Variants in WASHC3 observed in about 807,000 individuals in gnomAD.
WASHC3 encodes WASH complex subunit CCDC53.
WASHC3 carries 24 observed loss-of-function variants against 26.1 expected under a neutral mutation model. The observed-to-expected ratio is 0.92, with a 90% CI of 0.66 to 1.29. The LOEUF (loss-of-function observed/expected upper bound fraction) is 1.29. WASHC3 is among the 50% of genes most tolerant of loss of function. The pLI is 0.00. For missense variants in WASHC3, 214 were observed against 229.6 expected, an observed-to-expected ratio of 0.93 and a Z score of 0.44; for synonymous variants, 77 against 75.7, an observed-to-expected ratio of 1.02 and a Z score of -0.09.
At chr12:102,040,112 A>G in intron 4 of WASHC3, 134 bp from the exon 5 acceptor site, 1 of 409,126 alleles carries the variant, frequency 2.4e-6, no homozygotes. Context: ...CAATTTAAAT[A>G]CCAATAATTT....
intron 6 of WASHC3, 138 bp from the exon 7 acceptor site, chr12:102,013,330 C>T: frequency 1.7e-6 from 1 of 597,298 alleles, no homozygotes; most frequent in Non-Finnish European, 3.0e-6. Context: ...CTGCTCTACA[C>T]CACAGCGTGC....
chr12:102,053,724 CAG>C (rs1262010487), intron 2 of WASHC3, among the ~76,000 whole-genome samples: 1 of 151,200 alleles, frequency 6.6e-6, no homozygotes, highest in South Asian at 2.1e-4. Flanking sequence ...AGAAATGTAA[CAG>C]AAAGATTGGA....
rs750633656 is a variant in WASHC3, at chr12:102,039,928, T to A, written c.375A>T (p.Glu125Asp). The A allele has an allele frequency of 5.6e-6, 9 of 1,606,010 alleles. No homozygotes were observed. The South Asian group carries it at 9.9e-5, about 18-fold the overall frequency. The change falls in exon 5 of 7, where the codon GAA becomes GAT. Residue 125 changes from glutamate (E) to aspartate (D), a missense_variant. By Grantham distance (45) the Glu-to-Asp change is conservative. Transcript: ENST00000240079. ...SGLQESEVSA[E>D]NILTVAKDPR... ...GATCCTTGGCTACAGTTAAGATATT[T>A]TCTGCTGATACTTCACTTTCCTGTA...
chr12:102,051,168 G>A (rs1240127634), intron 2 of WASHC3, among the ~76,000 whole-genome samples: 1 of 152,212 alleles, frequency 6.6e-6, no homozygotes, highest in Non-Finnish European at 1.5e-5. Flanking sequence ...GTTTATCTGT[G>A]ACTGAAGTTG....
rs184145942 is a variant in WASHC3 at position 102,033,479 on chromosome 12, A to T, written c.435+6389T>A. Among the ~76,000 whole-genome samples the T allele has an allele frequency of 2.1e-4, 32 of 152,284 alleles. 1 individual carries two copies. Among genetic ancestry groups the T allele is most frequent in the Non-Finnish European group, 2.9e-5 (2 of 67,978 alleles). ...AGTGAAAGTATATTACACTTTGGAA[A>T]AAGAAACTCAGTATAATTGTAATAG... On this transcript the variant is annotated intron_variant, in intron 5 of 6. Coordinates refer to ENST00000240079, the MANE Select transcript of WASHC3 (RefSeq NM_016053.4).
intron 2 of WASHC3, 127 bp from the exon 3 acceptor site, chr12:102,046,246 T>C (rs1000507060): frequency 1.1e-5 from 6 of 563,714 alleles, no homozygotes; most frequent in African/African-American, 5.7e-5. Context: ...TACTGTCTTA[T>C]TTACATGAGT....
chr12:102,016,355 C>A (rs1293822106), intron 6 of WASHC3, among the ~76,000 whole-genome samples: 1 of 151,808 alleles, frequency 6.6e-6, no homozygotes, highest in Admixed American at 6.6e-5. Flanking sequence ...CAGGCATGCA[C>A]CACCATGCCC....
Position 102,012,997 on chromosome 12 carries a change from T to C in WASHC3, c.*111A>G, listed in dbSNP as rs1223364291. 1.6e-5 allele frequency: 9 copies of C among 551,526 alleles called. No homozygotes were observed. The East Asian group carries it at 2.8e-4, about 17-fold the overall frequency. The allele number at this position is 551,526 out of a possible 1,614,324, so 34.2% of individuals were successfully genotyped here. A position where few individuals can be genotyped will look rare whatever the true frequency, so the allele number is the denominator to read the frequency against. On this transcript the variant is annotated 3_prime_UTR_variant, in exon 7 of 7. Coordinates refer to ENST00000240079, the MANE Select transcript of WASHC3 (RefSeq NM_016053.4). ...TTTTAACATAGAAGAAGCTTGGTAGTGGACATGTGGCCATTTGATGTTTTT... is the reference window on the plus strand; with the variant it reads ...TTTTAACATAGAAGAAGCTTGGTAGCGGACATGTGGCCATTTGATGTTTTT...
chr12:102,014,381 A>G (rs1240788851), intron 6 of WASHC3, among the ~76,000 whole-genome samples: 3 of 152,012 alleles, frequency 2.0e-5, no homozygotes, highest in African/African-American at 7.2e-5. Flanking sequence ...TAACTGCTGT[A>G]TCTTAATAAT....
chr12:102,042,169 G>A (rs1383434439), intron 4 of WASHC3, among the ~76,000 whole-genome samples: 2 of 152,014 alleles, frequency 1.3e-5, no homozygotes, highest in Non-Finnish European at 2.9e-5. Flanking sequence ...TTAGAAAGAG[G>A]ATAGTCATAT....
At chr12:102,046,670 A>C (rs1878180038) in intron 2 of WASHC3, among the ~76,000 whole-genome samples, 1 of 152,198 alleles carries the variant, frequency 6.6e-6, no homozygotes, top group Non-Finnish European at 1.5e-5. Context: ...CAGAGCAGTA[A>C]ACAATTGTTG....
intron 4 of WASHC3, among the ~76,000 whole-genome samples, chr12:102,042,768 C>T (rs1038300842): frequency 2.6e-5 from 4 of 152,252 alleles, no homozygotes; most frequent in African/African-American, 4.8e-5. Flanking sequence ...AAAAGTGCCT[C>T]CAGGTACAAA....
intron 4 of WASHC3, chr12:102,043,844 TG>T (rs1878045025): frequency 5.4e-6 from 1 of 185,072 alleles, no homozygotes; most frequent in Non-Finnish European, 1.1e-5. Context: ...CTAATTATTT[TG>T]AAGAAAATAA....
intron 2 of WASHC3, among the ~76,000 whole-genome samples, chr12:102,054,066 C>CA (rs2136688486): frequency 6.6e-6 from 1 of 152,000 alleles, no homozygotes; most frequent in East Asian, 1.9e-4. Context: ...AACAACAAAG[C>CA]AAAAACCTAA....
chr12:102,038,553 T>TTG (rs1565816439), intron 5 of WASHC3, among the ~76,000 whole-genome samples: 164 of 152,218 alleles, frequency 1.1e-3, no homozygotes, highest in African/African-American at 3.9e-3. Flanking sequence ...TGTTGTTGTT[T>TTG]TTTAACAAGT....
intron 6 of WASHC3, among the ~76,000 whole-genome samples, chr12:102,023,860 C>A (rs79076266): frequency 0.17 from 25,732 of 152,054 alleles, 2,212 homozygotes; most frequent in Non-Finnish European, 0.18. Flanking sequence ...CACTACCTCA[C>A]AACTGAATGT....
chr12:102,045,187 G>A (rs944740015), intron 3 of WASHC3, among the ~76,000 whole-genome samples: 1 of 152,088 alleles, frequency 6.6e-6, no homozygotes, highest in Non-Finnish European at 1.5e-5. Flanking sequence ...TTAGCACAGT[G>A]GCTATGGCCC....
intron 5 of WASHC3, among the ~76,000 whole-genome samples, chr12:102,032,659 T>G (rs958257350): frequency 6.6e-6 from 1 of 152,074 alleles, no homozygotes; most frequent in Non-Finnish European, 1.5e-5. Flanking sequence ...AGATCCAAAT[T>G]TGGGGATCAA....
At chr12:102,033,378 C>T (rs1040969250) in intron 5 of WASHC3, among the ~76,000 whole-genome samples, 11 of 152,164 alleles carry the variant, frequency 7.2e-5, no homozygotes, top group African/African-American at 1.2e-4. Context: ...AGACAAAAAT[C>T]GTTCTAAACA....
Sources: gnomAD v4.1 joint callset for allele counts (sites outside exome capture counted in the v4.1 genomes callset) on GRCh38, gnomAD v4.1.1 for gene constraint, MANE v1.5 for transcripts, NCBI Gene and HGNC (gene_info 2026-07-23, HGNC 2026-07-21) for gene names.